Variants in FAM149A observed in about 807,000 individuals in gnomAD.
FAM149A encodes the protein family with sequence similarity 149 member A.
In FAM149A, 71 loss-of-function variants were observed where a neutral mutation model predicts 78.2. The observed-to-expected ratio is 0.91, with a 90% CI of 0.75 to 1.11. The LOEUF is 1.11. FAM149A is among the 50% of genes least tolerant of loss of function. The pLI is 0.00. For missense variants in FAM149A, 1,036 were observed against 971.0 expected (o/e 1.07, Z -0.89); for synonymous variants, 446 against 410.5 (o/e 1.09, Z -1.04).
At chr4:186,152,846 AG>A (rs1304883279) in intron 4 of FAM149A, among the ~76,000 whole-genome samples, 1 of 152,076 alleles carries the variant, frequency 6.6e-6, no homozygotes, top group Non-Finnish European at 1.5e-5. Flanking sequence ...GCCCGGCCAA[AG>A]GCAAGCTTAT....
At chr4:186,142,807 A>G (rs1299423115) in intron 1 of FAM149A, among the ~76,000 whole-genome samples, 1 of 152,034 alleles carries the variant, frequency 6.6e-6, no homozygotes, top group East Asian at 1.9e-4. Context: ...CCACTGAGCA[A>G]CCCCACGGGG....
intron 1 of FAM149A, among the ~76,000 whole-genome samples, chr4:186,143,761 T>C (rs1189408623): frequency 6.6e-6 from 1 of 152,056 alleles, no homozygotes; most frequent in Non-Finnish European, 1.5e-5. Flanking sequence ...GAACTCCTGA[T>C]CTCAAGTGAT....
At chr4:186,126,533 CTCT>C (rs1300164744) in intron 1 of FAM149A, among the ~76,000 whole-genome samples, 3 of 152,308 alleles carry the variant, frequency 2.0e-5, no homozygotes, top group East Asian at 1.9e-4. Context: ...AGGGCGAATT[CTCT>C]TCTTCTTGAT....
rs148413995 is a variant in FAM149A, at chr4:186,156,327, G to A, written c.1420+137G>A. ...GTGGGTGTTCTGACTTTACTCATGAGTGCTCTTTAGTCCCTTCAAAAAGGA... is the reference window on the plus strand; with the variant it reads ...GTGGGTGTTCTGACTTTACTCATGAATGCTCTTTAGTCCCTTCAAAAAGGA... On this transcript the variant is annotated intron_variant, in intron 7 of 13. Transcript: ENST00000389354. 535 of 642,138 alleles carry A rather than the reference G, an allele frequency of 8.3e-4. 3 individuals carry two copies. The African/African-American group carries it at 8.6e-3, about 10-fold the overall frequency. 39.8% of individuals were successfully genotyped at this position (642,138 alleles called of 1,614,324 possible). A position where few individuals can be genotyped will look rare whatever the true frequency, so the allele number is the denominator to read the frequency against.
intron 13 of FAM149A, 108 bp from the exon 14 acceptor site, chr4:186,171,801 TTAAAA>T (rs1735556956): frequency 1.6e-5 from 12 of 732,454 alleles, no homozygotes; most frequent in Non-Finnish European, 2.2e-5. Flanking sequence ...CAAAAGTGTA[TTAAAA>T]TAAAATATAT....
At chr4:186,142,876 A>T (rs1488856840) in intron 1 of FAM149A, among the ~76,000 whole-genome samples, 1 of 152,208 alleles carries the variant, frequency 6.6e-6, no homozygotes, top group Admixed American at 6.5e-5. Context: ...TGAGCATAAC[A>T]ACATGACTGT....
rs1332184899 is a variant in FAM149A at position 186,144,742 on chromosome 4, G to GGGGCCC, written c.567-4428_567-4423dup. ...TCGGCGCGGGGCCGGGGCCGGGGCC[G>GGGGCCC]GGGCCCGGAGCGGGGATGGGCGGGC... On this transcript the variant is annotated intron_variant, in intron 1 of 13. Coordinates refer to ENST00000389354, the MANE Select transcript of FAM149A (RefSeq NM_001367768.3). This position sits in a 1 kb window ranked among gnomAD's most constrained non-coding sequence, Gnocchi z 4.2. 3 of 866,652 alleles carry GGGGCCC rather than the reference G, an allele frequency of 3.5e-6. No individual in the cohort carries two copies. The highest frequency in any genetic ancestry group is 3.9e-5 in the African/African-American group (2 of 51,156). 53.7% of individuals were successfully genotyped at this position (866,652 alleles called of 1,614,324 possible).
rs1217103141 is a variant in FAM149A at position 186,144,163 on chromosome 4, C to T, written c.567-5010C>T. ...ACCTCCGCGACCTCACCCCTTCTTC[C>T]CTTAGCATGTGAAAATGACGGCTTG... On this transcript the variant is annotated intron_variant, in intron 1 of 13. Transcript: ENST00000389354. The surrounding 1 kb of genome is among the most constrained non-coding windows in gnomAD (Gnocchi z 4.2). The T allele has an allele frequency of 6.6e-6, 1 of 152,262 alleles. No individual in the cohort carries two copies. Among genetic ancestry groups the T allele is most frequent in the East Asian group, 1.9e-4 (1 of 5,194 alleles). 9.4% of individuals were successfully genotyped at this position (152,262 alleles called of 1,614,324 possible).
chr4:186,109,311 C>CTT (rs60560568), intron 1 of FAM149A: 121,728 of 568,238 alleles, frequency 0.21, 8,435 homozygotes, highest in East Asian at 0.47. Context: ...TATATTCACT[C>CTT]TTTTTTTTTT....
chr4:186,130,314 T>TATATATATATATGTAA (rs141900902), intron 1 of FAM149A, among the ~76,000 whole-genome samples: 2 of 116,486 alleles, frequency 1.7e-5, no homozygotes, highest in African/African-American at 7.0e-5. Context: ...TATATATATA[T>TATATATATATATGTAA]AATCTATATC....
intron 8 of FAM149A, among the ~76,000 whole-genome samples, chr4:186,159,694 G>A (rs546223670): frequency 1.1e-4 from 16 of 152,070 alleles, no homozygotes; most frequent in East Asian, 5.8e-4. Context: ...TACTGAGCGC[G>A]TAATAAATTT....
At chr4:186,169,239 A>G (rs568469221) in intron 13 of FAM149A, 344 of 984,060 alleles carry the variant, frequency 3.5e-4, no homozygotes, top group Non-Finnish European at 3.7e-4. Flanking sequence ...TGTTTCTACA[A>G]TTATAAAAAA....
intron 6 of FAM149A, chr4:186,154,907 C>G: frequency 1.0e-6 from 1 of 985,288 alleles, no homozygotes; most frequent in Non-Finnish European, 1.2e-6. Context: ...TTCCCCAGCC[C>G]TGGCTGCCCA....
chr4:186,148,179 T>G (rs1733206008), intron 1 of FAM149A, among the ~76,000 whole-genome samples: 1 of 152,074 alleles, frequency 6.6e-6, no homozygotes, highest in Non-Finnish European at 1.5e-5. Flanking sequence ...ATACAAAAAT[T>G]AGCTGGGCGT....
At chr4:186,153,827 T>C in intron 5 of FAM149A, 57 bp downstream of exon 5, 1 of 1,546,262 alleles carries the variant, frequency 6.5e-7, no homozygotes, top group Non-Finnish European at 8.8e-7. Context: ...TAGTTATACT[T>C]TTTCATGTTT....
At chr4:186,162,786 G>A in intron 8 of FAM149A, 59 bp from the exon 9 acceptor site, 1 of 917,280 alleles carries the variant, frequency 1.1e-6, no homozygotes, top group Non-Finnish European at 1.7e-6. Flanking sequence ...TCAGTCATTG[G>A]AACGGCACTG....
At chr4:186,136,714 G>A (rs2099322852) in intron 1 of FAM149A, among the ~76,000 whole-genome samples, 1 of 152,178 alleles carries the variant, frequency 6.6e-6, no homozygotes, top group African/African-American at 2.4e-5. Context: ...TCTGTGCCAT[G>A]TATAGGAGCT....
At chr4:186,125,165 A>T (rs994184854) in intron 1 of FAM149A, 88 of 686,696 alleles carry the variant, frequency 1.3e-4, no homozygotes, top group Non-Finnish European at 1.5e-4. Flanking sequence ...CAAGTCAATG[A>T]CTGGACTATT....
In FAM149A at chr4:186,169,341, C is replaced by T. The variant is rs78801377; in HGVS notation, c.2218+2079C>T. 2.6e-3 allele frequency: 2,605 copies of T among 985,400 alleles called. 7 individuals carry two copies. Among genetic ancestry groups the T allele is most frequent in the African/African-American group, 9.9e-3 (565 of 57,346 alleles). 61.0% of individuals were successfully genotyped at this position (985,400 alleles called of 1,614,324 possible). On this transcript the variant is annotated intron_variant, in intron 13 of 13. Coordinates refer to ENST00000389354, the MANE Select transcript of FAM149A (RefSeq NM_001367768.3). ...CCCTGATCTCACGACGTAGAGAGAA[C>T]GCGGCTCAAAGGCGTGACCTGTGAT...
Sources: allele counts gnomAD v4.1 joint callset (sites outside exome capture counted in the v4.1 genomes callset), GRCh38; gene constraint gnomAD v4.1.1; non-coding constraint Gnocchi (gnomAD v3.1); transcripts MANE v1.5; gene names NCBI Gene and HGNC (gene_info 2026-07-23, HGNC 2026-07-21).